Variants in PCDHA4 observed in about 807,000 individuals in gnomAD.
PCDHA4 encodes the protein protocadherin alpha-4.
Under a neutral mutation model 61.4 loss-of-function variants are expected in PCDHA4, and 49 were observed. That is an observed-to-expected ratio of 0.80 (90% CI 0.63 to 1.01). The LOEUF (loss-of-function observed/expected upper bound fraction) is 1.01, where lower values mean the gene tolerates loss of function less well. Among genes scored for constraint, PCDHA4 ranks in the 50% least tolerant of loss-of-function variants. The pLI is 0.00. For synonymous variants in PCDHA4, 590 were observed against 550.3 expected (o/e 1.07, Z -1.01); for missense variants, 1,254 against 1,235.8 (o/e 1.01, Z -0.22).
chr5:140,869,879 C>A (rs781975601), intron 1 of PCDHA4: 2 of 1,610,194 alleles, frequency 1.2e-6, no homozygotes, highest in Non-Finnish European at 1.7e-6. Flanking sequence ...GCTAAAGAAA[C>A]TCTTGTGCTC....
intron 1 of PCDHA4, chr5:140,829,543 G>T (rs2150169755): frequency 1.2e-6 from 2 of 1,612,982 alleles, no homozygotes; most frequent in African/African-American, 1.3e-5. Context: ...ACGCGGACGC[G>T]CAGGAGAACG....
chr5:140,824,554 T>C (rs1311403031), intron 1 of PCDHA4: 1 of 179,802 alleles, frequency 5.6e-6, no homozygotes, highest in African/African-American at 2.4e-5. Flanking sequence ...TGGGCTCAAG[T>C]GATCCTCCTA....
At chr5:140,870,860 C>A (rs782404408) in intron 1 of PCDHA4, 6 of 1,613,882 alleles carry the variant, frequency 3.7e-6, no homozygotes, top group Non-Finnish European at 2.5e-6. Context: ...TCGGTGGGTG[C>A]GGGCCACGTG....
intron 1 of PCDHA4, chr5:140,841,412 C>T (rs2150314878): frequency 6.2e-7 from 1 of 1,613,052 alleles, no homozygotes; most frequent in Admixed American, 1.7e-5. Context: ...GAGCGGCCAG[C>T]TCCACTACTC....
chr5:140,972,478 AC>A (rs2096537655), intron 1 of PCDHA4, among the ~76,000 whole-genome samples: 2 of 151,866 alleles, frequency 1.3e-5, no homozygotes, highest in Admixed American at 1.3e-4. Flanking sequence ...TCAGCATTTA[AC>A]CCCAGACTCT....
intron 1 of PCDHA4, chr5:140,829,834 G>T (rs1263397985): frequency 6.2e-7 from 1 of 1,613,928 alleles, no homozygotes. Flanking sequence ...GCGAGCTGGT[G>T]CCGCGGTCAC....
chr5:140,993,342 C>T (rs1554253606), intron 3 of PCDHA4, among the ~76,000 whole-genome samples: 1 of 151,994 alleles, frequency 6.6e-6, no homozygotes, highest in African/African-American at 2.4e-5. Flanking sequence ...TTGAAGGGCA[C>T]TACGAAGATC....
At chr5:140,990,288 C>T (rs537252814) in intron 3 of PCDHA4, among the ~76,000 whole-genome samples, 1 of 152,226 alleles carries the variant, frequency 6.6e-6, no homozygotes, top group South Asian at 2.1e-4. Context: ...TTGAGATTAT[C>T]GATGCCATTG....
chr5:140,967,012 G>A, intron 1 of PCDHA4: 1 of 1,606,776 alleles, frequency 6.2e-7, no homozygotes, highest in Non-Finnish European at 8.5e-7. Flanking sequence ...TCAACCATCT[G>A]GGTGCGCCCA....
intron 1 of PCDHA4, chr5:140,829,639 G>A (rs1431556203): frequency 6.2e-7 from 1 of 1,612,256 alleles, no homozygotes; most frequent in African/African-American, 1.3e-5. Flanking sequence ...AGAGCGGCAA[G>A]GTGTACGCGC....
chr5:140,895,733 G>C (rs1554186620), intron 1 of PCDHA4, among the ~76,000 whole-genome samples: 1 of 152,030 alleles, frequency 6.6e-6, no homozygotes, highest in Non-Finnish European at 1.5e-5. Context: ...CCATTCAATG[G>C]GCTGCAAAGG....
intron 1 of PCDHA4, among the ~76,000 whole-genome samples, chr5:140,936,813 T>C (rs1299896116): frequency 6.6e-6 from 1 of 152,216 alleles, no homozygotes; most frequent in Non-Finnish European, 1.5e-5. Flanking sequence ...TTAGCTATTT[T>C]TGGCCCTTTG....
chr5:140,968,383 T>C, intron 1 of PCDHA4: 1 of 1,614,044 alleles, frequency 6.2e-7, no homozygotes. Context: ...CCTTTGACTA[T>C]GAGAAGTTTC....
intron 1 of PCDHA4, chr5:140,882,051 A>T: frequency 1.3e-6 from 1 of 757,670 alleles, no homozygotes; most frequent in Non-Finnish European, 2.0e-6. Flanking sequence ...AGTCATACTT[A>T]CACTTACACG....
intron 1 of PCDHA4, chr5:140,850,559 C>T (rs2150489407): frequency 1.9e-6 from 3 of 1,598,268 alleles, no homozygotes; most frequent in Non-Finnish European, 2.6e-6. Context: ...GTGCCACGGG[C>T]CCCGAGGTGA....
At chr5:140,915,638 C>CTCTT (rs1554197009) in intron 1 of PCDHA4, among the ~76,000 whole-genome samples, 3 of 151,724 alleles carry the variant, frequency 2.0e-5, no homozygotes, top group Admixed American at 1.3e-4. Context: ...CTCTCTCTCT[C>CTCTT]TCTCTCTCTC....
At chr5:140,986,828 G>C (rs1001117075) in intron 3 of PCDHA4, among the ~76,000 whole-genome samples, 2 of 152,146 alleles carry the variant, frequency 1.3e-5, no homozygotes, top group African/African-American at 2.4e-5. Flanking sequence ...TTTAGACAAT[G>C]GTTCTCAAAG....
At chr5:140,863,232 G>C in intron 1 of PCDHA4, 1 of 1,230,740 alleles carries the variant, frequency 8.1e-7, no homozygotes, top group Non-Finnish European at 1.1e-6. Context: ...AGGTCCCATC[G>C]CGGGCTTTGG....
intron 1 of PCDHA4, chr5:140,843,194 G>T: frequency 6.3e-7 from 1 of 1,596,036 alleles, no homozygotes; most frequent in East Asian, 2.2e-5. Context: ...GTTCCGCGTG[G>T]GGCTGTACAC....
Sources: allele counts gnomAD v4.1 joint callset (sites outside exome capture counted in the v4.1 genomes callset), GRCh38; gene constraint gnomAD v4.1.1; transcripts MANE v1.5; gene names NCBI Gene and HGNC (gene_info 2026-07-23, HGNC 2026-07-21).